The following LRRC4C variants were observed in gnomAD, a reference collection of about 807,000 sequenced individuals.
The protein encoded by LRRC4C is leucine-rich repeat-containing protein 4C.
In LRRC4C, 5 loss-of-function variants were observed where a neutral mutation model predicts 33.6. The ratio of observed to expected loss-of-function variants is 0.15; its 90% CI spans 0.08 to 0.31. The LOEUF (loss-of-function observed/expected upper bound fraction) is 0.31, where lower values mean the gene tolerates loss of function less well. Ranked by LOEUF, LRRC4C falls within the 10% of genes least tolerant of loss-of-function variation. The pLI, the probability that LRRC4C is intolerant of heterozygous loss-of-function variation, is 1.00. For missense variants in LRRC4C, 560 were observed against 796.7 expected (o/e 0.70, Z 3.58); for synonymous variants, 329 against 302.0 (o/e 1.09, Z -0.93).
At chr11:40,892,991 A>G (rs1287849389) in intron 2 of LRRC4C, among the ~76,000 whole-genome samples, 1 of 152,160 alleles carries the variant, frequency 6.6e-6, no homozygotes, top group Non-Finnish European at 1.5e-5. Context: ...CCAAGGTCAC[A>G]AGTATTTATC....
chr11:41,286,993 C>T (rs1162326348), intron 1 of LRRC4C, among the ~76,000 whole-genome samples: 1 of 152,096 alleles, frequency 6.6e-6, no homozygotes, highest in East Asian at 1.9e-4. Flanking sequence ...AAAGCTTCAG[C>T]AATTTATTAC....
intron 1 of LRRC4C, among the ~76,000 whole-genome samples, chr11:41,034,708 T>C (rs1856958972): frequency 6.8e-6 from 1 of 147,010 alleles, no homozygotes; most frequent in Non-Finnish European, 1.5e-5. Context: ...TCTCTTCTCT[T>C]TTAGCCAACC....
intron 3 of LRRC4C, among the ~76,000 whole-genome samples, chr11:40,398,980 A>G (rs979391777): frequency 3.3e-5 from 5 of 152,090 alleles, no homozygotes; most frequent in Non-Finnish European, 7.4e-5. Flanking sequence ...TAACCCTCTA[A>G]TTAACATACT....
At chr11:40,763,524 G>A (rs2137093860) in intron 2 of LRRC4C, among the ~76,000 whole-genome samples, 1 of 152,140 alleles carries the variant, frequency 6.6e-6, no homozygotes, top group Non-Finnish European at 1.5e-5. Flanking sequence ...ACATTACCTG[G>A]TTCTAACATT....
intron 2 of LRRC4C, among the ~76,000 whole-genome samples, chr11:40,726,502 A>G (rs1017567665): frequency 2.0e-5 from 3 of 152,132 alleles, no homozygotes; most frequent in Non-Finnish European, 4.4e-5. Flanking sequence ...TCAACATAGA[A>G]AAAACATATG....
chr11:40,520,888 G>A (rs891022377), intron 3 of LRRC4C, among the ~76,000 whole-genome samples: 9 of 152,050 alleles, frequency 5.9e-5, no homozygotes, highest in Non-Finnish European at 1.0e-4. Flanking sequence ...TGTACATCCA[G>A]TGTATATTGA....
At position 40,520,629 on chromosome 11, in the gene LRRC4C, T is replaced by C. The variant is rs374251615; in HGVS notation, c.-270+127513A>G. 2.6e-4 allele frequency among the ~76,000 whole-genome samples: 39 copies of C among 152,254 alleles called. No homozygotes were observed. In the South Asian group the frequency reaches 7.7e-3, roughly 30 times the overall value. ...TAATAGTAATATCTAAGATCAGTAC[T>C]CTAAGAGCACCATAACAGATATAAT... On this transcript the variant is annotated intron_variant, in intron 3 of 6. Transcript: ENST00000528697.
chr11:40,721,178 C>T (rs1267866472), intron 2 of LRRC4C, among the ~76,000 whole-genome samples: 1 of 152,018 alleles, frequency 6.6e-6, no homozygotes, highest in Non-Finnish European at 1.5e-5. Context: ...AATCTAGATC[C>T]CCAGTGCGGT....
chr11:41,296,879 A>G (rs1950158992), intron 1 of LRRC4C, among the ~76,000 whole-genome samples: 1 of 152,194 alleles, frequency 6.6e-6, no homozygotes, highest in Non-Finnish European at 1.5e-5. Context: ...AATAAAAAGT[A>G]CTTCTTGAAT....
intron 3 of LRRC4C, among the ~76,000 whole-genome samples, chr11:40,558,937 TGTAA>T (rs1230416683): frequency 3.3e-5 from 5 of 152,158 alleles, no homozygotes; most frequent in Admixed American, 2.0e-4. Context: ...AGCTCCGACT[TGTAA>T]GTGAGAACAT....
chr11:40,640,299 A>T (rs908693553), intron 3 of LRRC4C, among the ~76,000 whole-genome samples: 1 of 152,178 alleles, frequency 6.6e-6, no homozygotes, highest in Non-Finnish European at 1.5e-5. Flanking sequence ...CTTTGAACTA[A>T]CTTATACAAG....
chr11:41,289,745 A>G (rs1052783449), intron 1 of LRRC4C, among the ~76,000 whole-genome samples: 3 of 152,180 alleles, frequency 2.0e-5, no homozygotes, highest in East Asian at 1.9e-4. Context: ...TTGTTGTTAT[A>G]TCATGTTGTT....
At chr11:40,142,910 G>C (rs570662166) in intron 5 of LRRC4C, among the ~76,000 whole-genome samples, 1 of 152,012 alleles carries the variant, frequency 6.6e-6, no homozygotes, top group African/African-American at 2.4e-5. Context: ...TCTTCATTTT[G>C]ATTTAACCCG....
chr11:40,532,370 G>T (rs1225271024), intron 3 of LRRC4C, among the ~76,000 whole-genome samples: 1 of 151,722 alleles, frequency 6.6e-6, no homozygotes, highest in African/African-American at 2.4e-5. Flanking sequence ...CAACTTCTAA[G>T]GGCATTCAAA....
At chr11:41,340,270 GA>G (rs1951586733) in intron 1 of LRRC4C, among the ~76,000 whole-genome samples, 1 of 152,066 alleles carries the variant, frequency 6.6e-6, no homozygotes, top group Admixed American at 6.5e-5. Flanking sequence ...TCTACATAAA[GA>G]AATAGGATTG....
chr11:40,721,975 AC>A (rs1204233179), intron 2 of LRRC4C, among the ~76,000 whole-genome samples: 3 of 152,112 alleles, frequency 2.0e-5, no homozygotes, highest in Non-Finnish European at 4.4e-5. Context: ...AAAGATTGAA[AC>A]CATGATAACA....
intron 2 of LRRC4C, among the ~76,000 whole-genome samples, chr11:40,744,954 T>G (rs1948344342): frequency 1.3e-5 from 2 of 152,148 alleles, no homozygotes; most frequent in Admixed American, 6.5e-5. Context: ...GCTCAAAGTC[T>G]TTGTTTTCTC....
intron 5 of LRRC4C, among the ~76,000 whole-genome samples, chr11:40,234,285 G>T (rs1314409781): frequency 6.6e-6 from 1 of 152,152 alleles, no homozygotes; most frequent in Non-Finnish European, 1.5e-5. Flanking sequence ...GTCTTGTAAG[G>T]TACGTATTAT....
chr11:40,816,481 G>A (rs536327929), intron 2 of LRRC4C, among the ~76,000 whole-genome samples: 1 of 152,274 alleles, frequency 6.6e-6, no homozygotes, highest in South Asian at 2.1e-4. Flanking sequence ...TTCAATTGGA[G>A]AGGAAGGTGT....
Sources: allele counts gnomAD v4.1 joint callset (sites outside exome capture counted in the v4.1 genomes callset), GRCh38; gene constraint gnomAD v4.1.1; transcripts MANE v1.5; gene names NCBI Gene and HGNC (gene_info 2026-07-23, HGNC 2026-07-21).